The following RERE variants were observed in gnomAD, a reference collection of about 807,000 sequenced individuals.
RERE encodes arginine-glutamic acid dipeptide repeats, also known as arginine-glutamic acid dipeptide repeats protein.
A neutral mutation model predicts 146.1 loss-of-function variants in RERE; 40 were observed. The ratio of observed to expected loss-of-function variants is 0.27; its 90% confidence interval spans 0.21 to 0.36. The LOEUF is 0.36. Ranked by LOEUF, RERE falls within the 10% of genes least tolerant of loss-of-function variation. The probability of loss-of-function intolerance (pLI) is 1.00; values close to 1 mark genes in which losing one functional copy is unlikely to be tolerated. For synonymous variants in RERE, 1,003 were observed against 866.0 expected (o/e 1.16, Z -2.78); for missense variants, 1,933 against 2,138.7 (o/e 0.90, Z 1.90).
intron 7 of RERE, among the ~76,000 whole-genome samples, chr1:8,515,333 GC>G (rs1246098189): frequency 6.6e-6 from 1 of 152,058 alleles, no homozygotes; most frequent in Non-Finnish European, 1.5e-5. Flanking sequence ...CTGCACTCCA[GC>G]CTGGGCAAAA....
At chr1:8,416,563 G>A (rs1197637994) in intron 12 of RERE, among the ~76,000 whole-genome samples, 53 of 140,528 alleles carry the variant, frequency 3.8e-4, no homozygotes, top group African/African-American at 1.4e-3. Flanking sequence ...TCCAGCCTGG[G>A]CGACAGAGCG....
rs999665101 is a variant in RERE, at chr1:8,364,708, C to T, written c.1540+38G>A. On this transcript the variant is annotated intron_variant, in intron 14 of 22. Coordinates refer to ENST00000400908, the MANE Select transcript of RERE (RefSeq NM_001042681.2). This position sits in a 1 kb window ranked among gnomAD's most constrained non-coding sequence, Gnocchi z 5.1. Reference sequence around the variant, plus strand: ...TGTTCAGAACATGGAAGTGCTTGTGCCCCCGCCCCGCCCCAGGAGCGTGAC... The same window carrying T: ...TGTTCAGAACATGGAAGTGCTTGTGTCCCCGCCCCGCCCCAGGAGCGTGAC... The T allele has an allele frequency of 8.1e-6, 12 of 1,487,046 alleles. No individual in the cohort carries two copies. The highest frequency in any genetic ancestry group is 1.1e-5 in the Non-Finnish European group (12 of 1,065,196). 92.1% of individuals were successfully genotyped at this position (1,487,046 alleles called of 1,614,324 possible). A position where few individuals can be genotyped will look rare whatever the true frequency, so the allele number is the denominator to read the frequency against.
chr1:8,642,355 A>AT (rs1647191879), intron 2 of RERE, among the ~76,000 whole-genome samples: 1 of 152,194 alleles, frequency 6.6e-6, no homozygotes, highest in African/African-American at 2.4e-5. Context: ...GGGGTACTAG[A>AT]TTATGCTGTC....
intron 6 of RERE, among the ~76,000 whole-genome samples, chr1:8,546,144 C>T (rs1319719268): frequency 6.6e-6 from 1 of 151,294 alleles, no homozygotes; most frequent in Non-Finnish European, 1.5e-5. Context: ...TGCGTGCCAC[C>T]ACACCCAACA....
intron 7 of RERE, among the ~76,000 whole-genome samples, chr1:8,525,111 T>G (rs1645554222): frequency 6.6e-6 from 1 of 152,226 alleles, no homozygotes; most frequent in African/African-American, 2.4e-5. Flanking sequence ...TGCTTCCTTT[T>G]GAAGGCAAGA....
intron 4 of RERE, among the ~76,000 whole-genome samples, chr1:8,595,814 C>A (rs1420647332): frequency 6.6e-6 from 1 of 152,072 alleles, no homozygotes; most frequent in Non-Finnish European, 1.5e-5. Flanking sequence ...AAAAAGGATG[C>A]ATCAACTCAA....
rs1308849226 is a variant in RERE at position 8,364,380 on chromosome 1, G to A, written c.1541-125C>T. The stretch of plus-strand genomic sequence containing the variant: ...TGCCACCAGCACCATGCAGCCCTGG[G>A]CCCCAACACCCCAGGGCTAGTGCTG... On this transcript the variant is annotated intron_variant, in intron 14 of 22. Coordinates refer to ENST00000400908, the MANE Select transcript of RERE (RefSeq NM_001042681.2). This position sits in a 1 kb window ranked among gnomAD's most constrained non-coding sequence, Gnocchi z 5.1. 4 of 832,518 alleles carry A rather than the reference G, an allele frequency of 4.8e-6. No homozygotes were observed. The African/African-American group carries it at 6.7e-5, about 14-fold the overall frequency. 51.6% of individuals were successfully genotyped at this position (832,518 alleles called of 1,614,324 possible). A position where few individuals can be genotyped will look rare whatever the true frequency, so the allele number is the denominator to read the frequency against.
At chr1:8,644,766 G>A (rs939687322) in intron 2 of RERE, among the ~76,000 whole-genome samples, 6 of 152,152 alleles carry the variant, frequency 3.9e-5, no homozygotes, top group Non-Finnish European at 5.9e-5. Context: ...GAGGAGCTGG[G>A]ACTACAGATG....
rs1333636511 is a variant in RERE at position 8,423,592 on chromosome 1, G to A, written c.1204-785C>T. 1 of 985,148 alleles carries A rather than the reference G, an allele frequency of 1.0e-6. No homozygotes were observed. The highest frequency in any genetic ancestry group is 1.2e-6 in the Non-Finnish European group (1 of 829,850). The allele number at this position is 985,148 out of a possible 1,614,324, so 61.0% of individuals were successfully genotyped here. Reference sequence around the variant, plus strand: ...GCTCCCAGCCTGGTCCCGGGCGGCCGACCCCAGCAGCCACAGGTAAGCGCC... The same window carrying A: ...GCTCCCAGCCTGGTCCCGGGCGGCCAACCCCAGCAGCCACAGGTAAGCGCC... On this transcript the variant is annotated intron_variant, in intron 11 of 22. Transcript: ENST00000400908. The surrounding 1 kb of genome is among the most constrained non-coding windows in gnomAD (Gnocchi z 5.4).
At chr1:8,606,876 C>T (rs1457059370) in intron 4 of RERE, among the ~76,000 whole-genome samples, 1 of 152,100 alleles carries the variant, frequency 6.6e-6, no homozygotes, top group Non-Finnish European at 1.5e-5. Context: ...ACGATCTAAT[C>T]GTAAAACATG....
At chr1:8,624,237 A>G (rs1319487291) in intron 3 of RERE, 73 bp downstream of exon 3, 7 of 1,207,532 alleles carry the variant, frequency 5.8e-6, no homozygotes, top group Admixed American at 1.7e-5. Flanking sequence ...TGGAGGAACA[A>G]TAAGAGATAG....
intron 1 of RERE, among the ~76,000 whole-genome samples, chr1:8,706,909 GACC>G (rs775948120): frequency 3.5e-4 from 53 of 152,276 alleles, no homozygotes; most frequent in Non-Finnish European, 7.4e-4. Flanking sequence ...TTTTGCACAT[GACC>G]ACATGAAAAA....
At chr1:8,370,985 G>A (rs998917226) in intron 12 of RERE, among the ~76,000 whole-genome samples, 9 of 152,116 alleles carry the variant, frequency 5.9e-5, no homozygotes, top group Admixed American at 5.9e-4. Flanking sequence ...TGATCATTTT[G>A]CTCCTGATGC....
Position 8,360,693 on chromosome 1 carries a change from C to G in RERE, c.2814G>C (p.Gln938His), listed in dbSNP as rs1641532669. The change falls in exon 18 of 23, where the codon CAG becomes CAC. Residue 938 changes from glutamine (Q) to histidine (H), a missense_variant. Coordinates refer to ENST00000400908, the MANE Select transcript of RERE (RefSeq NM_001042681.2). ...IKPPPTTPIP[Q>H]LPAPQAHKHP... The stretch of plus-strand genomic sequence containing the variant: ...GCTTGTGGGCCTGTGGCGCCGGCAG[C>G]TGGGGGATGGGAGTGGTAGGCGGGG... 2.0e-6 allele frequency: 3 copies of G among 1,538,212 alleles called. No homozygotes were observed. The highest frequency in any genetic ancestry group is 2.4e-5 in the South Asian group (2 of 82,494).
At chr1:8,682,476 T>C (rs1638992987) in intron 1 of RERE, among the ~76,000 whole-genome samples, 1 of 152,238 alleles carries the variant, frequency 6.6e-6, no homozygotes, top group Non-Finnish European at 1.5e-5. Context: ...TGTTGTTGTA[T>C]GACATTAATT....
intron 1 of RERE, among the ~76,000 whole-genome samples, chr1:8,776,391 A>G (rs6577523): frequency 0.85 from 129,643 of 152,092 alleles, 55,469 homozygotes; most frequent in East Asian, 0.95. Context: ...TCTGCTTCCC[A>G]GGTTCAAGCG....
intron 11 of RERE, among the ~76,000 whole-genome samples, chr1:8,441,142 G>A (rs1033693892): frequency 3.3e-5 from 5 of 152,008 alleles, no homozygotes; most frequent in African/African-American, 9.7e-5. Flanking sequence ...AAGCTCCTAA[G>A]CTAGCCCTCG....
chr1:8,589,759 T>C (rs929314296), intron 4 of RERE, among the ~76,000 whole-genome samples: 1 of 152,344 alleles, frequency 6.6e-6, no homozygotes, highest in South Asian at 2.1e-4. Flanking sequence ...AGTTTTGCCT[T>C]GAAGGCTTGA....
At chr1:8,482,675 C>A (rs151250726) in intron 10 of RERE, among the ~76,000 whole-genome samples, 7 of 83,152 alleles carry the variant, frequency 8.4e-5, no homozygotes, top group African/African-American at 3.3e-4. Flanking sequence ...GAGTGAGATT[C>A]TGTTGCAAAA....
Sources: gnomAD v4.1 joint callset for allele counts (sites outside exome capture counted in the v4.1 genomes callset) on GRCh38, gnomAD v4.1.1 for gene constraint, Gnocchi (gnomAD v3.1) non-coding constraint, MANE v1.5 for transcripts, NCBI Gene and HGNC (gene_info 2026-07-23, HGNC 2026-07-21) for gene names.